Variants in TTC23 observed in about 807,000 individuals in gnomAD.
TTC23 encodes tetratricopeptide repeat protein 23.
In TTC23, 58 loss-of-function variants were observed where a neutral mutation model predicts 55.1. The observed-to-expected ratio is 1.05, with a 90% CI of 0.85 to 1.31. The LOEUF (loss-of-function observed/expected upper bound fraction) is 1.31. TTC23 is among the 50% of genes most tolerant of loss of function. The pLI is 0.00. For synonymous variants in TTC23, 203 were observed against 199.9 expected (o/e 1.02, Z -0.13); for missense variants, 516 against 534.4 (o/e 0.97, Z 0.34).
intron 5 of TTC23, among the ~76,000 whole-genome samples, chr15:99,223,990 T>C (rs1435517418): frequency 6.6e-6 from 1 of 152,198 alleles, no homozygotes; most frequent in Non-Finnish European, 1.5e-5. Flanking sequence ...ACACCTAGGA[T>C]GCACGCCCAT....
intron 5 of TTC23, among the ~76,000 whole-genome samples, chr15:99,222,269 GTA>G (rs1036838431): frequency 4.6e-5 from 7 of 152,112 alleles, no homozygotes; most frequent in Non-Finnish European, 7.3e-5. Flanking sequence ...GTGTGTGTGT[GTA>G]TGTGTGTGTG....
chr15:99,158,358 T>C (rs1025446552), intron 11 of TTC23: 1 of 152,222 alleles, frequency 6.6e-6, no homozygotes, highest in Non-Finnish European at 1.5e-5. Context: ...GGAGACTCCC[T>C]TTCCCAGATA....
chr15:99,228,502 A>G, intron 5 of TTC23, 31 bp downstream of exon 5: 2 of 1,563,290 alleles, frequency 1.3e-6, no homozygotes, highest in East Asian at 4.5e-5. Context: ...CAATTCTCAG[A>G]GTAGAAATAC....
At chr15:99,179,845 A>T (rs1194022938) in intron 9 of TTC23, among the ~76,000 whole-genome samples, 1 of 152,222 alleles carries the variant, frequency 6.6e-6, no homozygotes, top group Non-Finnish European at 1.5e-5. Flanking sequence ...GAACCACAGC[A>T]CATGCTGGGC....
At chr15:99,187,123 T>C (rs999437720) in intron 9 of TTC23, among the ~76,000 whole-genome samples, 3 of 152,032 alleles carry the variant, frequency 2.0e-5, no homozygotes, top group African/African-American at 7.2e-5. Context: ...TACAGATCAA[T>C]GGAACAGAAT....
chr15:99,226,761 T>C (rs754150461), intron 5 of TTC23, among the ~76,000 whole-genome samples: 2 of 152,130 alleles, frequency 1.3e-5, no homozygotes, highest in Non-Finnish European at 2.9e-5. Flanking sequence ...CTTCCTCAGG[T>C]CTCAGCTTAT....
chr15:99,183,765 C>A (rs570319120), intron 9 of TTC23, among the ~76,000 whole-genome samples: 1 of 152,290 alleles, frequency 6.6e-6, no homozygotes, highest in African/African-American at 2.4e-5. Flanking sequence ...TTCAAGCTGT[C>A]TGCAGAAATT....
chr15:99,146,991 T>G (rs1265666006), intron 12 of TTC23, among the ~76,000 whole-genome samples: 3 of 152,012 alleles, frequency 2.0e-5, no homozygotes, highest in South Asian at 4.1e-4. Context: ...CACGGCTCAC[T>G]GCAACCTCTG....
intron 13 of TTC23, among the ~76,000 whole-genome samples, chr15:99,138,829 C>T (rs1011031754): frequency 2.0e-5 from 3 of 152,234 alleles, no homozygotes; most frequent in Non-Finnish European, 4.4e-5. Context: ...CAGACTCAGG[C>T]AGCCCTGGGG....
chr15:99,241,974 A>T (rs1223286619), intron 2 of TTC23, among the ~76,000 whole-genome samples: 2 of 152,122 alleles, frequency 1.3e-5, no homozygotes, highest in South Asian at 4.1e-4. Context: ...GTCTCCACTA[A>T]AATTGCAAAA....
intron 8 of TTC23, among the ~76,000 whole-genome samples, chr15:99,213,023 C>T (rs1438417388): frequency 6.9e-6 from 1 of 145,632 alleles, no homozygotes; most frequent in Non-Finnish European, 1.5e-5. Context: ...GACATAAATC[C>T]AATGAGCGCT....
intron 9 of TTC23, among the ~76,000 whole-genome samples, chr15:99,197,905 CAA>C (rs199825292): frequency 7.8e-5 from 10 of 128,498 alleles, no homozygotes; most frequent in Admixed American, 3.2e-4. Flanking sequence ...TCCGCTCAAA[CAA>C]AAAAAAAAAA....
intron 6 of TTC23, among the ~76,000 whole-genome samples, chr15:99,220,857 T>C (rs2077863916): frequency 6.6e-6 from 1 of 152,188 alleles, no homozygotes; most frequent in Non-Finnish European, 1.5e-5. Flanking sequence ...CATCATCATA[T>C]CCTGGGTGTC....
At chr15:99,219,837 A>G (rs1433880009) in intron 6 of TTC23, among the ~76,000 whole-genome samples, 1 of 152,196 alleles carries the variant, frequency 6.6e-6, no homozygotes, top group Non-Finnish European at 1.5e-5. Flanking sequence ...TTAGTTACAC[A>G]AAATTGTATC....
At chr15:99,152,521 G>A (rs945622576) in intron 12 of TTC23, among the ~76,000 whole-genome samples, 1 of 151,768 alleles carries the variant, frequency 6.6e-6, no homozygotes, top group Non-Finnish European at 1.5e-5. Context: ...GAGATTACAG[G>A]TATGCGCCAG....
intron 11 of TTC23, among the ~76,000 whole-genome samples, chr15:99,156,812 G>C (rs923216100): frequency 2.2e-4 from 34 of 152,150 alleles, no homozygotes; most frequent in African/African-American, 7.5e-4. Flanking sequence ...GAAACAACAC[G>C]AATGTGAGGA....
intron 8 of TTC23, among the ~76,000 whole-genome samples, chr15:99,212,260 ATGTGTGTG>A (rs35709919): frequency 3.4e-4 from 50 of 146,558 alleles, no homozygotes; most frequent in Middle Eastern, 3.5e-3. Context: ...TTAAAGAGGG[ATGTGTGTG>A]TGTGTGTGTG....
At chr15:99,249,849 C>T (rs1380143930), upstream of TTC23, 1 of 152,086 alleles carries the variant, frequency 6.6e-6, no homozygotes. Context: ...ATTGTGAGAA[C>T]TTCAAGAGTG....
At chr15:99,156,384 G>T in intron 11 of TTC23, 87 bp from the exon 12 acceptor site, 1 of 1,506,320 alleles carries the variant, frequency 6.6e-7, no homozygotes, top group South Asian at 1.2e-5. Flanking sequence ...TCACATGGGT[G>T]TGGTAGTCTC....
Sources: gnomAD v4.1 joint callset for allele counts (sites outside exome capture counted in the v4.1 genomes callset) on GRCh38, gnomAD v4.1.1 for gene constraint, MANE v1.5 for transcripts, NCBI Gene and HGNC (gene_info 2026-07-23, HGNC 2026-07-21) for gene names.